The following WWP2 variants were observed in gnomAD, a reference collection of about 807,000 sequenced individuals.
WWP2 encodes the protein WW domain containing E3 ubiquitin protein ligase 2.
In WWP2, 57 loss-of-function variants were observed where a neutral mutation model predicts 121.0. The observed-to-expected ratio is 0.47, with a 90% CI of 0.38 to 0.59. WWP2 has a LOEUF of 0.59. Ranked by LOEUF, WWP2 falls within the 20% of genes least tolerant of loss-of-function variation. The pLI is 0.00. For missense variants in WWP2, 962 were observed against 1,158.9 expected, an observed-to-expected ratio of 0.83 and a Z score of 2.47; for synonymous variants, 449 against 441.3, an observed-to-expected ratio of 1.02 and a Z score of -0.22.
At chr16:69,821,326 G>A (rs570513424) in intron 4 of WWP2, among the ~76,000 whole-genome samples, 3 of 152,318 alleles carry the variant, frequency 2.0e-5, no homozygotes, top group African/African-American at 7.2e-5. Context: ...GCTGAGAGCT[G>A]TTGGAAAGAA....
At chr16:69,815,484 T>TA (rs34598258) in intron 4 of WWP2, among the ~76,000 whole-genome samples, 6,719 of 138,858 alleles carry the variant, frequency 0.048, 300 homozygotes, top group African/African-American at 0.12. Context: ...CCTGTCTCTT[T>TA]AAAAAAAAAA....
At chr16:69,781,345 T>G (rs754556163) in intron 1 of WWP2, among the ~76,000 whole-genome samples, 7 of 152,060 alleles carry the variant, frequency 4.6e-5, no homozygotes, top group Non-Finnish European at 1.0e-4. Context: ...GCTTTTACTC[T>G]TTTTTTGTTT....
At chr16:69,781,633 C>T (rs1417344008) in intron 1 of WWP2, among the ~76,000 whole-genome samples, 6 of 151,994 alleles carry the variant, frequency 3.9e-5, no homozygotes, top group East Asian at 1.9e-4. Flanking sequence ...TATAGGCGCC[C>T]GCTGGCTTTT....
intron 6 of WWP2, among the ~76,000 whole-genome samples, chr16:69,857,655 CTTTTTTTTTTTT>C (rs1166811815): frequency 4.2e-5 from 3 of 71,916 alleles, no homozygotes; most frequent in African/African-American, 5.9e-5. Flanking sequence ...AAGGTCAACT[CTTTTTTTTTTTT>C]TTTTTTTTTT....
chr16:69,919,667 A>C (rs1314929042), intron 10 of WWP2, among the ~76,000 whole-genome samples: 1 of 152,180 alleles, frequency 6.6e-6, no homozygotes, highest in African/African-American at 2.4e-5. Context: ...TGGGACTCCC[A>C]AGTTGGCTGA....
In WWP2 at chr16:69,879,256, G is replaced by A. The variant is rs375710798; in HGVS notation, c.703+7325G>A. Among the ~76,000 whole-genome samples the A allele has an allele frequency of 9.9e-5, 15 of 152,284 alleles. 2 individuals are homozygous for A. Among genetic ancestry groups the A allele is most frequent in the East Asian group, 3.9e-4 (2 of 5,188 alleles). On this transcript the variant is annotated intron_variant, in intron 7 of 23. Transcript: ENST00000359154. ...TTTACCATTTAAACCATTTTTAGGTGTGTAATTCAGTGGCATTAATTATAA... is the reference window on the plus strand; with the variant it reads ...TTTACCATTTAAACCATTTTTAGGTATGTAATTCAGTGGCATTAATTATAA...
At chr16:69,818,918 C>T (rs550929757) in intron 4 of WWP2, among the ~76,000 whole-genome samples, 1 of 152,284 alleles carries the variant, frequency 6.6e-6, no homozygotes, top group Admixed American at 6.5e-5. Context: ...GGGCTTCTCC[C>T]CTGGCAACCA....
intron 4 of WWP2, among the ~76,000 whole-genome samples, chr16:69,802,912 T>C (rs887682269): frequency 6.6e-6 from 1 of 152,056 alleles, no homozygotes; most frequent in Non-Finnish European, 1.5e-5. Flanking sequence ...GCCCAAGATA[T>C]CTTATTATGT....
At chr16:69,826,796 G>A (rs1440245178) in intron 4 of WWP2, among the ~76,000 whole-genome samples, 6 of 150,630 alleles carry the variant, frequency 4.0e-5, no homozygotes, top group Admixed American at 2.0e-4. Flanking sequence ...AAAATTAGCC[G>A]GACATGGTGG....
In WWP2 at chr16:69,910,440, G is replaced by A. The variant is rs1188476889; in HGVS notation, c.1004+1590G>A. ...CTTTTTTTTTTTTAGACGGAGTCTC[G>A]CTCTGTTGCCCAGGCTGGAGTGCAG... is the stretch of plus-strand genomic sequence containing the variant. On this transcript the variant is annotated intron_variant, in intron 9 of 23. Transcript: ENST00000359154. 22 of 864,168 alleles carry A rather than the reference G, an allele frequency of 2.5e-5. No individual in the cohort carries two copies. In the South Asian group the frequency reaches 3.2e-4, roughly 12 times the overall value. The allele number at this position is 864,168 out of a possible 1,614,324, so 53.5% of individuals were successfully genotyped here.
intron 6 of WWP2, among the ~76,000 whole-genome samples, chr16:69,868,313 T>A (rs564950401): frequency 1.3e-5 from 2 of 151,890 alleles, no homozygotes; most frequent in African/African-American, 4.8e-5. Flanking sequence ...TCATTAGTGG[T>A]TAAGTGTTTC....
At chr16:69,916,141 C>G in intron 9 of WWP2, among the ~76,000 whole-genome samples, 1 of 152,030 alleles carries the variant, frequency 6.6e-6, no homozygotes, top group East Asian at 1.9e-4. Flanking sequence ...GCCTTGTGTA[C>G]TTACTAAAGG....
At chr16:69,870,298 CTTTT>C (rs5817675) in intron 6 of WWP2, among the ~76,000 whole-genome samples, 3 of 122,836 alleles carry the variant, frequency 2.4e-5, no homozygotes, top group Non-Finnish European at 3.4e-5. Context: ...TTTATTTATC[CTTTT>C]TTTTTTTTTT....
At chr16:69,794,256 G>A (rs1187351071) in intron 2 of WWP2, among the ~76,000 whole-genome samples, 3 of 152,104 alleles carry the variant, frequency 2.0e-5, no homozygotes, top group Admixed American at 6.5e-5. Flanking sequence ...TGGGTGTGGT[G>A]GCTCATGCCT....
intron 15 of WWP2, 99 bp downstream of exon 15, chr16:69,931,679 C>G: frequency 6.3e-7 from 1 of 1,581,506 alleles, no homozygotes; most frequent in Non-Finnish European, 8.7e-7. Context: ...TGCAGACTTT[C>G]CAGGGCGTGA....
intron 7 of WWP2, among the ~76,000 whole-genome samples, chr16:69,875,121 T>A (rs569448164): frequency 6.6e-6 from 1 of 152,268 alleles, no homozygotes; most frequent in East Asian, 1.9e-4. Context: ...GTTTCCAGAC[T>A]ATCACAATAA....
chr16:69,792,159 C>A (rs1049367320), intron 2 of WWP2, among the ~76,000 whole-genome samples: 1 of 152,112 alleles, frequency 6.6e-6, no homozygotes, highest in African/African-American at 2.4e-5. Context: ...TGTGCCTGCC[C>A]ACAGTGTGAT....
At chr16:69,825,595 C>T (rs1245820275) in intron 4 of WWP2, among the ~76,000 whole-genome samples, 2 of 148,608 alleles carry the variant, frequency 1.3e-5, no homozygotes, top group East Asian at 2.0e-4. Flanking sequence ...ATTGTAAAGA[C>T]GATATGATAT....
intron 9 of WWP2, 118 bp downstream of exon 9, chr16:69,908,968 G>A: frequency 6.6e-7 from 1 of 1,516,850 alleles, no homozygotes; most frequent in Middle Eastern, 2.3e-4. Flanking sequence ...TTTATTCCGG[G>A]TCACTTGATT....
Sources: gnomAD v4.1 joint callset for allele counts (sites outside exome capture counted in the v4.1 genomes callset) on GRCh38, gnomAD v4.1.1 for gene constraint, MANE v1.5 for transcripts, NCBI Gene and HGNC (gene_info 2026-07-23, HGNC 2026-07-21) for gene names.